The following NAPRT variants were observed in gnomAD, a reference collection of about 807,000 sequenced individuals.
NAPRT encodes the protein FHA-HIT-interacting protein.
A neutral mutation model predicts 60.7 loss-of-function variants in NAPRT; 66 were observed. That is an observed-to-expected ratio of 1.09 (90% confidence interval 0.89 to 1.33). The LOEUF (loss-of-function observed/expected upper bound fraction) is 1.33. Ranked by LOEUF, NAPRT falls within the 40% of genes most tolerant of loss-of-function variation. NAPRT has a pLI of 0.00. For synonymous variants in NAPRT, 405 were observed against 335.7 expected, an observed-to-expected ratio of 1.21 and a Z score of -2.26; for missense variants, 818 against 731.5, an observed-to-expected ratio of 1.12 and a Z score of -1.36.
chr8:143,577,918 C>A lies in NAPRT; in HGVS notation c.252G>T (p.Leu84=). The A allele has an allele frequency of 6.2e-7, 1 of 1,611,496 alleles. No homozygotes were observed. Residue 84 remains leucine (L), a synonymous_variant, in exon 2 of 13, where the codon CTG becomes CTT. Transcript: ENST00000449291. The part of the protein sequence containing the change: ...DADVQFLASV[L]PPDTDPAFFE... ...AGAACGCAGGATCCGTGTCTGGGGG[C>A]AGCACCGAGGCCAGGAACTGCACGT... is the stretch of plus-strand genomic sequence containing the variant.
intron 11 of NAPRT, 34 bp from the exon 12 acceptor site, chr8:143,575,127 G>A (rs758811777): frequency 3.2e-6 from 5 of 1,559,996 alleles, no homozygotes; most frequent in Non-Finnish European, 4.3e-6. Flanking sequence ...AGAAGCTTGG[G>A]GCTAGCTCCC....
chr8:143,578,161 G>A lies in NAPRT; in HGVS notation c.158C>T (p.Ala53Val), dbSNP rs1824653350. The change falls in exon 1 of 13, where the codon GCC (alanine) becomes GTC (valine). Residue 53 changes from alanine to valine, a missense_variant. Transcript: ENST00000449291. ...GCGCAAGCCGGCGGCCAAGGCGAAG[G>A]CGCCGCCGAACGGGCAGCGGCGGAA... ...LFFRRCPFGGAFALAAGLRDC... is the reference protein window; with the variant it reads ...LFFRRCPFGGVFALAAGLRDC... The A allele has an allele frequency of 1.3e-6, 2 of 1,519,258 alleles. No homozygotes were observed. The highest frequency in any genetic ancestry group is 5.2e-5 in the East Asian group (2 of 38,692). 94.1% of individuals were successfully genotyped at this position (1,519,258 alleles called of 1,614,324 possible).
chr8:143,576,398 C>T (rs1563931721), intron 7 of NAPRT, 34 bp downstream of exon 7: 3 of 1,579,360 alleles, frequency 1.9e-6, no homozygotes, highest in South Asian at 2.3e-5. Context: ...CCGGGGATCT[C>T]CCACCAGGCA....
At chr8:143,576,041 C>A in intron 8 of NAPRT, 37 bp downstream of exon 8, 7 of 1,522,188 alleles carry the variant, frequency 4.6e-6, no homozygotes, top group Non-Finnish European at 6.2e-6. Flanking sequence ...CCCAGAGCCC[C>A]CCAGCCACCC....
Position 143,578,327 on chromosome 8 carries a change from C to T in NAPRT, c.-9G>A. 2 of 1,348,476 alleles carry T rather than the reference C, an allele frequency of 1.5e-6. No homozygotes were observed. Among genetic ancestry groups the T allele is most frequent in the Non-Finnish European group, 1.9e-6 (2 of 1,058,852 alleles). The allele number at this position is 1,348,476 out of a possible 1,614,324, so 83.5% of individuals were successfully genotyped here. A position where few individuals can be genotyped will look rare whatever the true frequency, so the allele number is the denominator to read the frequency against. Reference sequence around the variant, plus strand: ...TCCTGCTCCGCCGCCATCCTGCTCCCGACGTCCGGACTCCGCCCCGCCCCG... The same window carrying T: ...TCCTGCTCCGCCGCCATCCTGCTCCTGACGTCCGGACTCCGCCCCGCCCCG... On this transcript the variant is annotated 5_prime_UTR_variant, in exon 1 of 13. Coordinates refer to ENST00000449291, the MANE Select transcript of NAPRT (RefSeq NM_145201.6).
At position 143,574,830 on chromosome 8, in the gene NAPRT, T is replaced by A; in HGVS notation, c.*8A>T. 5 of 1,550,656 alleles carry A rather than the reference T, an allele frequency of 3.2e-6. No homozygotes were observed. The highest frequency in any genetic ancestry group is 4.4e-6 in the Non-Finnish European group (5 of 1,146,974). On this transcript the variant is annotated 3_prime_UTR_variant, in exon 13 of 13. Transcript: ENST00000449291. The stretch of plus-strand genomic sequence containing the variant: ...TCGTGTTGTTTCCAGTCAGCCCCGC[T>A]CCGAGTCTCAGGGGGACTGCCCCGC...
intron 8 of NAPRT, 106 bp from the exon 9 acceptor site, chr8:143,575,808 G>T (rs550296019): frequency 1.4e-5 from 7 of 503,372 alleles, no homozygotes; most frequent in Non-Finnish European, 1.8e-5. Context: ...GTGGGGAAGG[G>T]GGTGGCAGTG....
rs375754313 is a variant in NAPRT, at chr8:143,575,338, T to C, written c.1299A>G (p.Pro433=). 25 of 1,611,090 alleles carry C rather than the reference T, an allele frequency of 1.6e-5. No homozygotes were observed. The highest frequency in any genetic ancestry group is 2.1e-5 in the Non-Finnish European group (25 of 1,178,784). ...AFRLLGSDGS[P]LMDMLQLAEE... ...CTGCTAACTGCAGCATGTCCATGAGTGGAGACCCTGTGTGGACGGGGCAAG... is the reference window on the plus strand; with the variant it reads ...CTGCTAACTGCAGCATGTCCATGAGCGGAGACCCTGTGTGGACGGGGCAAG... Residue 433 remains proline, a synonymous_variant, in exon 11 of 13, where the codon CCA becomes CCG. Transcript: ENST00000449291.
At position 143,578,257 on chromosome 8, in the gene NAPRT, T is replaced by G; in HGVS notation, c.62A>C (p.Tyr21Ser). The change falls in exon 1 of 13, where the codon TAC (tyrosine) becomes TCC (serine). Residue 21 changes from tyrosine to serine, a missense_variant. By Grantham distance (144) the Tyr-to-Ser change is moderately radical. Transcript: ENST00000449291. The stretch of plus-strand genomic sequence containing the variant: ...ATAGCCCAACGCCATGGTGGCCTGG[T>G]AGAGGTCAGTGAGCAGCGGCCGCGC... The part of the protein sequence containing the change: ...AAARPLLTDL[Y>S]QATMALGYWR... 6.8e-7 allele frequency: 1 copy of G among 1,478,204 alleles called. No individual in the cohort carries two copies. 91.6% of individuals were successfully genotyped at this position (1,478,204 alleles called of 1,614,324 possible).
At chr8:143,577,032 G>T in intron 5 of NAPRT, 30 bp downstream of exon 5, 3 of 1,598,938 alleles carry the variant, frequency 1.9e-6, no homozygotes, top group Non-Finnish European at 2.6e-6. Context: ...CTGTCGCCTG[G>T]AGACAGCAGG....
At position 143,577,311 on chromosome 8, in the gene NAPRT, G is replaced by A. The variant is rs751411284; in HGVS notation, c.526C>T (p.Pro176Ser). The A allele has an allele frequency of 1.2e-6, 2 of 1,606,076 alleles. No individual in the cohort carries two copies. The highest frequency in any genetic ancestry group is 2.2e-5 in the East Asian group (1 of 44,566). The part of the protein sequence containing the change: ...LEMGLRRAQG[P>S]DGGLTASTYS... ...GTGGAGGCTGTCAGGCCCCCATCGG[G>A]GCCCTGAGCCCGCCTCAGGCCCATC... The change falls in exon 4 of 13, where the codon CCC (proline) becomes TCC (serine). Residue 176 changes from proline to serine, a missense_variant. Transcript: ENST00000449291.
chr8:143,574,478 T>C (rs953376949), downstream of NAPRT, among the ~76,000 whole-genome samples: 6 of 152,154 alleles, frequency 3.9e-5, no homozygotes, highest in African/African-American at 1.4e-4. Flanking sequence ...AGCCTGCCTC[T>C]AGCAAGGAAA....
Position 143,577,933 on chromosome 8 carries a change from G to A in NAPRT, c.237C>T (p.Phe79=), listed in dbSNP as rs1339010031. The change falls in exon 2 of 13, where the codon TTC becomes TTT. Residue 79 remains phenylalanine, a synonymous_variant. Transcript: ENST00000449291. The part of the protein sequence containing the change: ...AFRLRDADVQ[F]LASVLPPDTD... ...TGTCTGGGGGCAGCACCGAGGCCAG[G>A]AACTGCACGTCTGGAAACGAGGTAA... is the stretch of plus-strand genomic sequence containing the variant. The A allele has an allele frequency of 2.5e-6, 4 of 1,609,868 alleles. No homozygotes were observed. In the African/African-American group the frequency reaches 4.0e-5, roughly 16 times the overall value.
Position 143,575,113 on chromosome 8 carries a change from A to G in NAPRT, c.1447-20T>C. 6.5e-7 allele frequency: 1 copy of G among 1,545,738 alleles called. No homozygotes were observed. Among genetic ancestry groups the G allele is most frequent in the African/African-American group, 1.4e-5 (1 of 73,186 alleles). ...ACACAGCTGCAGGGAGGAGGTAAGG[A>G]AAGAGAAGCTTGGGGCTAGCTCCCA... On this transcript the variant is annotated intron_variant, in intron 11 of 12. Transcript: ENST00000449291.
chr8:143,576,657 G>A lies in NAPRT; in HGVS notation c.870C>T (p.Tyr290=). 2 of 1,611,076 alleles carry A rather than the reference G, an allele frequency of 1.2e-6. No individual in the cohort carries two copies. The highest frequency in any genetic ancestry group is 1.7e-6 in the Non-Finnish European group (2 of 1,179,118). The change falls in exon 6 of 13, where the codon TAC becomes TAT. Residue 290 remains tyrosine (Y), a synonymous_variant. Coordinates refer to ENST00000449291, the MANE Select transcript of NAPRT (RefSeq NM_145201.6). The stretch of plus-strand genomic sequence containing the variant: ...GTGCCCGGGCTCACCTCCACACGCT[G>A]TAGGTGTCCAGGAGGCCCTGGAAGG... ...PRAFQGLLDT[Y]SVWRSGLPNF... is the part of the protein sequence containing the mutation.
Position 143,576,676 on chromosome 8 carries a change from TG to T in NAPRT, c.850del (p.Gln284ArgfsTer18). Reference sequence around the variant, plus strand: ...CACGCTGTAGGTGTCCAGGAGGCCCTGGAAGGCCCGGGGAAAAGCCAAGGCA... The same window carrying T: ...CACGCTGTAGGTGTCCAGGAGGCCCTGAAGGCCCGGGGAAAAGCCAAGGCA... The part of the protein sequence containing the change: ...AYALAFPRAF[Q>X]GLLDTYSVWR... On this transcript the variant is annotated frameshift_variant, in exon 6 of 13. Coordinates refer to ENST00000449291, the MANE Select transcript of NAPRT (RefSeq NM_145201.6). LOFTEE classifies it high-confidence loss of function. 1 of 1,611,340 alleles carries T rather than the reference TG, an allele frequency of 6.2e-7. No homozygotes were observed. The highest frequency in any genetic ancestry group is 8.5e-7 in the Non-Finnish European group (1 of 1,179,392).
chr8:143,577,231 C>A (rs1824533921), intron 4 of NAPRT, 38 bp downstream of exon 4: 1 of 1,604,344 alleles, frequency 6.2e-7, no homozygotes, highest in African/African-American at 1.3e-5. Flanking sequence ...GGGGCTCCTC[C>A]TTCCCGGCCC....
At chr8:143,573,277 CGGAGGTGT>C (rs1463121346), downstream of NAPRT, among the ~76,000 whole-genome samples, 1 of 152,194 alleles carries the variant, frequency 6.6e-6, no homozygotes, top group African/African-American at 2.4e-5. Flanking sequence ...TGGGGCAGCC[CGGAGGTGT>C]GGAGGGGGCA....
intron 3 of NAPRT, 111 bp downstream of exon 3, chr8:143,577,546 C>T: frequency 6.9e-7 from 1 of 1,458,276 alleles, no homozygotes; most frequent in East Asian, 2.5e-5. Context: ...GGGCGGGAGG[C>T]CAGTCCTGGG....
Sources: gnomAD v4.1 joint callset for allele counts (sites outside exome capture counted in the v4.1 genomes callset) on GRCh38, gnomAD v4.1.1 for gene constraint, MANE v1.5 for transcripts, NCBI Gene and HGNC (gene_info 2026-07-23, HGNC 2026-07-21) for gene names.